Variants in NPSR1 observed in about 807,000 individuals in gnomAD.
NPSR1 encodes the protein neuropeptide S receptor 1, also known as neuropeptide S receptor.
Under a neutral mutation model 46.9 loss-of-function variants are expected in NPSR1, and 48 were observed. That is an observed-to-expected ratio of 1.02 (90% CI 0.81 to 1.30). The LOEUF is 1.30. Among genes scored for constraint, NPSR1 ranks in the 50% most tolerant of loss-of-function variants. The pLI is 0.00. For synonymous variants in NPSR1, 176 were observed against 168.1 expected (o/e 1.05, Z -0.36); for missense variants, 450 against 449.5 (o/e 1.00, Z -0.01).
chr7:34,688,189 T>A (rs1006748509), intron 2 of NPSR1, among the ~76,000 whole-genome samples: 9 of 152,128 alleles, frequency 5.9e-5, no homozygotes, highest in Non-Finnish European at 1.2e-4. Context: ...ACACAAACCA[T>A]CTGCCAGTGC....
At chr7:34,807,504 T>A (rs1285299370) in intron 3 of NPSR1, among the ~76,000 whole-genome samples, 1 of 152,208 alleles carries the variant, frequency 6.6e-6, no homozygotes, top group Non-Finnish European at 1.5e-5. Context: ...CTTTATCACA[T>A]GAAATGCTGT....
chr7:34,684,003 C>T (rs995186185), intron 1 of NPSR1, among the ~76,000 whole-genome samples: 3 of 152,142 alleles, frequency 2.0e-5, no homozygotes, highest in Admixed American at 6.5e-5. Context: ...TAACATTTTA[C>T]TGTATTTCAG....
intron 2 of NPSR1, among the ~76,000 whole-genome samples, chr7:34,747,081 C>T (rs368367668): frequency 8.1e-5 from 12 of 147,554 alleles, no homozygotes; most frequent in African/African-American, 2.8e-4. Context: ...GCCGAGACTG[C>T]GCCACTGCAC....
At chr7:34,712,519 T>C (rs1196771233) in intron 2 of NPSR1, among the ~76,000 whole-genome samples, 1 of 152,172 alleles carries the variant, frequency 6.6e-6, no homozygotes, top group Non-Finnish European at 1.5e-5. Flanking sequence ...TGTGAAGGCA[T>C]CCACAATTTA....
At chr7:34,742,196 G>A (rs1253739620) in intron 2 of NPSR1, among the ~76,000 whole-genome samples, 2 of 150,530 alleles carry the variant, frequency 1.3e-5, no homozygotes, top group Non-Finnish European at 3.0e-5. Context: ...GTTTGGGGGT[G>A]CATGTGAATG....
At chr7:34,675,850 G>A (rs998195066) in intron 1 of NPSR1, among the ~76,000 whole-genome samples, 8 of 152,248 alleles carry the variant, frequency 5.3e-5, no homozygotes, top group South Asian at 2.1e-4. Flanking sequence ...ATTGAGCTGA[G>A]AACAGGCCAA....
chr7:34,775,020 A>T (rs752969339), intron 2 of NPSR1, among the ~76,000 whole-genome samples: 5 of 152,186 alleles, frequency 3.3e-5, no homozygotes, highest in Non-Finnish European at 7.3e-5. Context: ...CTGAACCACT[A>T]AAAACTTTAC....
intron 8 of NPSR1, among the ~76,000 whole-genome samples, chr7:34,877,521 A>T (rs1312586320): frequency 6.6e-6 from 1 of 152,164 alleles, no homozygotes; most frequent in African/African-American, 2.4e-5. Context: ...AGCCTCAGAA[A>T]AGCTGGACGG....
intron 8 of NPSR1, among the ~76,000 whole-genome samples, chr7:34,875,731 C>T (rs578237694): frequency 6.1e-4 from 93 of 152,222 alleles, no homozygotes; most frequent in African/African-American, 2.2e-3. Flanking sequence ...GACTAAAAGG[C>T]GGGGCTCCTA....
intron 8 of NPSR1, among the ~76,000 whole-genome samples, chr7:34,862,138 AT>A (rs1791203746): frequency 6.6e-6 from 1 of 151,710 alleles, no homozygotes; most frequent in African/African-American, 2.4e-5. Context: ...TGCAAACCAA[AT>A]TTCTCAGACT....
intron 1 of NPSR1, among the ~76,000 whole-genome samples, chr7:34,674,240 T>C (rs2128676681): frequency 6.6e-6 from 1 of 152,332 alleles, no homozygotes; most frequent in South Asian, 2.1e-4. Flanking sequence ...ACTGTCCAGC[T>C]ACTGCCCAGG....
chr7:34,666,463 C>T lies in NPSR1; in HGVS notation c.147+7904C>T, dbSNP rs149937142. On this transcript the variant is annotated intron_variant, in intron 1 of 8. Transcript: ENST00000360581. The stretch of plus-strand genomic sequence containing the variant: ...AAGATTTTTCCTTTTCTGATGAAAG[C>T]GGAAAGATATTGCTGGCATTCTGAT... Among the ~76,000 whole-genome samples, 1,106 of 152,126 alleles carry T rather than the reference C, an allele frequency of 7.3e-3. 7 individuals carry two copies. The highest frequency in any genetic ancestry group is 0.01 in the Middle Eastern group (3 of 294).
At chr7:34,839,184 T>C (rs1478998276) in intron 6 of NPSR1, among the ~76,000 whole-genome samples, 1 of 152,186 alleles carries the variant, frequency 6.6e-6, no homozygotes, top group East Asian at 1.9e-4. Flanking sequence ...CAGAAAAACA[T>C]AAAGATACAA....
intron 5 of NPSR1, among the ~76,000 whole-genome samples, chr7:34,833,557 C>G (rs532592888): frequency 6.6e-6 from 1 of 152,180 alleles, no homozygotes; most frequent in Non-Finnish European, 1.5e-5. Flanking sequence ...TTTGTAGAAC[C>G]TCAACTGAGG....
At chr7:34,802,202 T>C (rs1361921746) in intron 3 of NPSR1, among the ~76,000 whole-genome samples, 4 of 150,420 alleles carry the variant, frequency 2.7e-5, no homozygotes, top group East Asian at 1.9e-4. Context: ...CTTCACAGAA[T>C]TGGAAAAAAC....
intron 2 of NPSR1, among the ~76,000 whole-genome samples, chr7:34,721,948 T>A (rs1223148516): frequency 6.6e-6 from 1 of 152,186 alleles, no homozygotes; most frequent in Non-Finnish European, 1.5e-5. Context: ...AATGAAATGA[T>A]ATTGCAAATA....
chr7:34,802,991 G>C (rs1217264873), intron 3 of NPSR1, among the ~76,000 whole-genome samples: 2 of 150,428 alleles, frequency 1.3e-5, no homozygotes, highest in East Asian at 1.9e-4. Context: ...GGCCATCAGA[G>C]AAATGCAAAT....
At chr7:34,876,160 T>C (rs1791569150) in intron 8 of NPSR1, among the ~76,000 whole-genome samples, 1 of 152,152 alleles carries the variant, frequency 6.6e-6, no homozygotes, top group East Asian at 1.9e-4. Context: ...ACGGCAGAAT[T>C]TGTAAATGTT....
At chr7:34,802,746 C>G (rs1788483770) in intron 3 of NPSR1, among the ~76,000 whole-genome samples, 1 of 150,366 alleles carries the variant, frequency 6.7e-6, no homozygotes, top group Admixed American at 6.6e-5. Context: ...AGCTTCTGCA[C>G]AGCAAAGGAA....
Sources: allele counts gnomAD v4.1 joint callset (sites outside exome capture counted in the v4.1 genomes callset), GRCh38; gene constraint gnomAD v4.1.1; transcripts MANE v1.5; gene names NCBI Gene and HGNC (gene_info 2026-07-23, HGNC 2026-07-21).